Variants in SRRM4 observed in about 807,000 individuals in gnomAD.
SRRM4 encodes serine/arginine repetitive matrix 4.
SRRM4 carries 33 observed loss-of-function variants against 68.9 expected under a neutral mutation model. The observed-to-expected ratio is 0.48, with a 90% CI of 0.36 to 0.64. SRRM4 has a LOEUF of 0.64. Among genes scored for constraint, SRRM4 ranks in the 30% least tolerant of loss-of-function variants. SRRM4 has a pLI of 0.00. For missense variants in SRRM4, 817 were observed against 827.1 expected (o/e 0.99, Z 0.15); for synonymous variants, 318 against 318.8 (o/e 1.00, Z 0.03).
intron 1 of SRRM4, among the ~76,000 whole-genome samples, chr12:119,045,581 G>A (rs975294144): frequency 3.3e-5 from 5 of 150,996 alleles, no homozygotes; most frequent in African/African-American, 1.2e-4. Flanking sequence ...GGTGGTAATC[G>A]GTTGGGAACC....
chr12:119,059,531 G>T (rs1361929598), intron 1 of SRRM4, among the ~76,000 whole-genome samples: 1 of 152,136 alleles, frequency 6.6e-6, no homozygotes, highest in African/African-American at 2.4e-5. Flanking sequence ...TCCCCACTAT[G>T]TGCCAAGAGT....
intron 1 of SRRM4, among the ~76,000 whole-genome samples, chr12:119,097,792 C>G (rs936494548): frequency 6.6e-6 from 1 of 152,202 alleles, no homozygotes; most frequent in Non-Finnish European, 1.5e-5. Flanking sequence ...GCAGTAGCAT[C>G]CACCAGCTTC....
At chr12:119,047,686 G>C (rs1183860400) in intron 1 of SRRM4, among the ~76,000 whole-genome samples, 1 of 152,208 alleles carries the variant, frequency 6.6e-6, no homozygotes, top group African/African-American at 2.4e-5. Flanking sequence ...TGGACCAGTG[G>C]TCACCTGGAC....
intron 1 of SRRM4, among the ~76,000 whole-genome samples, chr12:119,100,372 C>T (rs944426035): frequency 1.4e-5 from 2 of 147,602 alleles, no homozygotes; most frequent in Non-Finnish European, 3.0e-5. Context: ...TAACTGTGGT[C>T]CCAGCTACTT....
chr12:118,989,485 A>C (rs1381154269), intron 1 of SRRM4, among the ~76,000 whole-genome samples: 1 of 152,040 alleles, frequency 6.6e-6, no homozygotes, highest in Non-Finnish European at 1.5e-5. Context: ...TTGAAGCTAC[A>C]GTCTGCTCTT....
At chr12:119,146,701 C>A (rs956338005) in intron 9 of SRRM4, among the ~76,000 whole-genome samples, 4 of 152,124 alleles carry the variant, frequency 2.6e-5, no homozygotes, top group Non-Finnish European at 4.4e-5. Flanking sequence ...CTTTGGGAGG[C>A]CGAGGCGGGT....
chr12:119,131,236 C>A (rs1954295816), intron 8 of SRRM4, among the ~76,000 whole-genome samples: 1 of 152,182 alleles, frequency 6.6e-6, no homozygotes, highest in Non-Finnish European at 1.5e-5. Flanking sequence ...ATGAAGTCTG[C>A]ATCTTTTATG....
At chr12:119,137,998 A>C (rs766234113) in intron 8 of SRRM4, among the ~76,000 whole-genome samples, 95 of 152,122 alleles carry the variant, frequency 6.2e-4, no homozygotes, top group Non-Finnish European at 1.1e-3. Flanking sequence ...AGTGGCAACA[A>C]ACTTTTAGAA....
intron 8 of SRRM4, among the ~76,000 whole-genome samples, chr12:119,138,791 A>G (rs1954346572): frequency 6.6e-6 from 1 of 152,116 alleles, no homozygotes. Flanking sequence ...GCATTATTTC[A>G]TTTGGCCATT....
intron 6 of SRRM4, among the ~76,000 whole-genome samples, 188 bp from the exon 7 acceptor site, chr12:119,125,193 C>G (rs370763595): frequency 6.6e-6 from 1 of 152,114 alleles, no homozygotes; most frequent in Non-Finnish European, 1.5e-5. Flanking sequence ...CCATTGGTTA[C>G]GGAACCCTCC....
Position 119,073,160 on chromosome 12 carries a change from C to T in SRRM4, c.132-29076C>T, listed in dbSNP as rs926526207. Reference sequence around the variant, plus strand: ...GGAACTAGATTGCCAAATGAATTGCCTGGTCTGGGGGAAAGCAGGGAAGTT... The same window carrying T: ...GGAACTAGATTGCCAAATGAATTGCTTGGTCTGGGGGAAAGCAGGGAAGTT... On this transcript the variant is annotated intron_variant, in intron 1 of 12. Transcript: ENST00000267260. 2.6e-5 allele frequency among the ~76,000 whole-genome samples: 4 copies of T among 152,032 alleles called. No individual in the cohort carries two copies. In the South Asian group the frequency reaches 8.3e-4, roughly 32 times the overall value.
chr12:119,033,090 C>T (rs986863849), intron 1 of SRRM4, among the ~76,000 whole-genome samples: 1 of 152,030 alleles, frequency 6.6e-6, no homozygotes, highest in Non-Finnish European at 1.5e-5. Context: ...ATCCCATTAG[C>T]TTTCAATTTT....
At chr12:119,113,908 C>T (rs920108065) in intron 2 of SRRM4, among the ~76,000 whole-genome samples, 2 of 152,070 alleles carry the variant, frequency 1.3e-5, no homozygotes, top group African/African-American at 4.8e-5. Context: ...GAACTACGGA[C>T]ACGATATATT....
rs1199332145 is a variant in SRRM4, at chr12:119,154,184, G to T, written c.1392-59G>T. 4 of 1,495,332 alleles carry T rather than the reference G, an allele frequency of 2.7e-6. No homozygotes were observed. The highest frequency in any genetic ancestry group is 3.6e-6 in the Non-Finnish European group (4 of 1,096,790). The allele number at this position is 1,495,332 out of a possible 1,614,324, so 92.6% of individuals were successfully genotyped here. On this transcript the variant is annotated intron_variant, in intron 11 of 12. Transcript: ENST00000267260. This position sits in a 1 kb window ranked among gnomAD's most constrained non-coding sequence, Gnocchi z 4.7. ...GAAAGGGAGTGTCCCTCTCCCACGC[G>T]CTCACGCAGAAAATCCAGCCCAGCC... is the stretch of plus-strand genomic sequence containing the variant.
At chr12:119,038,373 G>T (rs1453870239) in intron 1 of SRRM4, among the ~76,000 whole-genome samples, 10 of 152,038 alleles carry the variant, frequency 6.6e-5, no homozygotes, top group African/African-American at 2.4e-4. Flanking sequence ...CACCATGCCT[G>T]GCTAATTTTT....
At chr12:119,026,159 A>G (rs2136003882) in intron 1 of SRRM4, among the ~76,000 whole-genome samples, 1 of 152,082 alleles carries the variant, frequency 6.6e-6, no homozygotes, top group East Asian at 1.9e-4. Flanking sequence ...GCCACAGAAG[A>G]TTTTAAGCAA....
intron 1 of SRRM4, among the ~76,000 whole-genome samples, chr12:119,010,974 G>A (rs988427384): frequency 2.0e-5 from 3 of 152,082 alleles, no homozygotes; most frequent in African/African-American, 7.2e-5. Context: ...GTAGGAAAAA[G>A]CATCTATCTA....
At chr12:118,987,802 T>C (rs1463087107) in intron 1 of SRRM4, among the ~76,000 whole-genome samples, 2 of 152,242 alleles carry the variant, frequency 1.3e-5, no homozygotes, top group Non-Finnish European at 2.9e-5. Context: ...GAGAAAAAAG[T>C]TGAATGTCCT....
chr12:119,005,524 G>C (rs1393904996), intron 1 of SRRM4, among the ~76,000 whole-genome samples: 1 of 152,154 alleles, frequency 6.6e-6, no homozygotes, highest in Non-Finnish European at 1.5e-5. Flanking sequence ...GGAAACCACT[G>C]GTGTGGTGGA....
Sources: allele counts gnomAD v4.1 joint callset (sites outside exome capture counted in the v4.1 genomes callset), GRCh38; gene constraint gnomAD v4.1.1; non-coding constraint Gnocchi (gnomAD v3.1); transcripts MANE v1.5; gene names NCBI Gene and HGNC (gene_info 2026-07-23, HGNC 2026-07-21).